The following INTS1 variants were observed in gnomAD, a reference collection of about 807,000 sequenced individuals.
INTS1 encodes the protein integrator complex subunit 1.
In INTS1, 137 loss-of-function variants were observed where a neutral mutation model predicts 241.6. The observed-to-expected ratio is 0.57, with a 90% confidence interval of 0.49 to 0.65. The LOEUF is 0.65. Ranked by LOEUF, INTS1 falls within the 30% of genes least tolerant of loss-of-function variation. The pLI, the probability that INTS1 is intolerant of heterozygous loss-of-function variation, is 0.00. For synonymous variants in INTS1, 1,692 were observed against 1,337.8 expected, an observed-to-expected ratio of 1.26 and a Z score of -5.78; for missense variants, 3,073 against 3,032.2, an observed-to-expected ratio of 1.01 and a Z score of -0.32.
chr7:1,488,652 A>G (rs1562505760), intron 18 of INTS1, among the ~76,000 whole-genome samples: 3 of 152,046 alleles, frequency 2.0e-5, no homozygotes, highest in Admixed American at 6.5e-5. Context: ...CCACAATACC[A>G]GGGCCACACA....
chr7:1,501,955 C>T (rs548979711), intron 3 of INTS1, among the ~76,000 whole-genome samples: 61 of 152,252 alleles, frequency 4.0e-4, no homozygotes, highest in Non-Finnish European at 7.6e-4. Context: ...ATCGCCTGTG[C>T]TTCCAGGCCC....
chr7:1,502,496 G>A (rs949038432), intron 3 of INTS1, among the ~76,000 whole-genome samples: 1 of 152,180 alleles, frequency 6.6e-6, no homozygotes, highest in African/African-American at 2.4e-5. Context: ...AGGAGGGAAG[G>A]AGGAACCAAG....
Position 1,480,386 on chromosome 7 carries a change from GC to G in INTS1, c.4004del (p.Gly1335AlafsTer88). The G allele has an allele frequency of 6.2e-7, 1 of 1,612,946 alleles. No homozygotes were observed. The highest frequency in any genetic ancestry group is 8.5e-7 in the Non-Finnish European group (1 of 1,179,650). On this transcript the variant is annotated frameshift_variant, in exon 30 of 48. Coordinates refer to ENST00000404767, the MANE Select transcript of INTS1 (RefSeq NM_001080453.3). LOFTEE classifies it high-confidence loss of function. ...KSSPEQPIGQ[G>X]RIRVGTQLRV... ...GGAGCTGGGTCCCCACCCGAATCCGGCCCTGGCCTATGGGCTGCTCTGGGCT... is the reference window on the plus strand; with the variant it reads ...GGAGCTGGGTCCCCACCCGAATCCGGCCTGGCCTATGGGCTGCTCTGGGCT...
rs867164699 is a variant in INTS1, at chr7:1,493,834, C to T, written c.1988G>A (p.Arg663Gln). Residue 663 changes from arginine to glutamine, a missense_variant, in exon 15 of 48, where the codon CGG becomes CAG. By Grantham distance (43) the Arg-to-Gln change is conservative (BLOSUM62 1). Transcript: ENST00000404767. This position sits in a 1 kb window ranked among gnomAD's most constrained non-coding sequence, Gnocchi z 5.3. ...GTCCGCAGGCCCGAGCGGGAGCTCCCGGGACAGCCCGATGACCAGGATGCG... is the reference window on the plus strand; with the variant it reads ...GTCCGCAGGCCCGAGCGGGAGCTCCTGGGACAGCCCGATGACCAGGATGCG... ...LMRILVIGLS[R>Q]ELPLGPADAM... The T allele has an allele frequency of 3.2e-6, 5 of 1,570,610 alleles. No homozygotes were observed. Among genetic ancestry groups the T allele is most frequent in the Admixed American group, 3.8e-5 (2 of 53,280 alleles).
rs1039437436 is a variant in INTS1, at chr7:1,503,004, G to A, written c.246C>T (p.Ser82=). The change falls in exon 3 of 48, where the codon TCC becomes TCT. Residue 82 remains serine, a synonymous_variant. Transcript: ENST00000404767. ...GCCCCAGGGCACTCAGAGGGGGTGT[G>A]GAGGAGAGTTTGGGGCGTTTGGTGA... ...TGLTKRPKLS[S]TPPLSALGRL... is the part of the protein sequence containing the mutation. The A allele has an allele frequency of 1.2e-6, 2 of 1,613,822 alleles. No individual in the cohort carries two copies. Among genetic ancestry groups the A allele is most frequent in the Non-Finnish European group, 1.7e-6 (2 of 1,179,878 alleles).
chr7:1,499,711 G>A (rs1783061963), intron 5 of INTS1, 79 bp from the exon 6 acceptor site: 2 of 1,503,736 alleles, frequency 1.3e-6, no homozygotes, highest in Non-Finnish European at 1.8e-6. Flanking sequence ...GCTGCCCGGG[G>A]ACTGGGTGCC....
chr7:1,497,058 C>T lies in INTS1; in HGVS notation c.1602+80G>A. ...AGAGCATCCGAAGGGGTGGAGTGTG[C>T]ATGGGACCCAGGACGAGGGGGATGG... On this transcript the variant is annotated intron_variant, in intron 11 of 47. Coordinates refer to ENST00000404767, the MANE Select transcript of INTS1 (RefSeq NM_001080453.3). This position sits in a 1 kb window ranked among gnomAD's most constrained non-coding sequence, Gnocchi z 5.3. The T allele has an allele frequency of 7.2e-7, 1 of 1,390,982 alleles. No homozygotes were observed. Among genetic ancestry groups the T allele is most frequent in the Non-Finnish European group, 9.6e-7 (1 of 1,038,042 alleles). The allele number at this position is 1,390,982 out of a possible 1,614,324, so 86.2% of individuals were successfully genotyped here.
chr7:1,479,650 C>T lies in INTS1; in HGVS notation c.4109G>A (p.Ser1370Asn), dbSNP rs755986464. ...GAGGGCCACGGGGCGGGGACTGGAG[C>T]TCTGCCACCGAGGGTCCGGGCTGAG... ...FPLSPDPRWQ[S>N]SSPRPVALAL... Residue 1370 changes from serine (S) to asparagine (N), a missense_variant, in exon 31 of 48, where the codon AGC becomes AAC. Physicochemically the swap from Ser to Asn is conservative, Grantham distance 46 (BLOSUM62 1). Coordinates refer to ENST00000404767, the MANE Select transcript of INTS1 (RefSeq NM_001080453.3). 1.1e-5 allele frequency: 16 copies of T among 1,497,748 alleles called. No homozygotes were observed. The highest frequency in any genetic ancestry group is 1.4e-5 in the Non-Finnish European group (16 of 1,120,478). 92.8% of individuals were successfully genotyped at this position (1,497,748 alleles called of 1,614,324 possible). A position where few individuals can be genotyped will look rare whatever the true frequency, so the allele number is the denominator to read the frequency against.
rs28565299 is a variant in INTS1 at position 1,480,896 on chromosome 7, G to A, written c.3888C>T (p.Arg1296=). The A allele has an allele frequency of 3.7e-3, 5,707 of 1,563,180 alleles. 183 individuals carry two copies. In the African/African-American group the frequency reaches 0.067, roughly 18 times the overall value. The stretch of plus-strand genomic sequence containing the variant: ...GGAAAGTCTGGCCTCCGGAGGCGCC[G>A]CGCTCATGCTGGACCTCCACCAGGT... ...MAHLVEVQHE[R]GASGGQTFHS... is the part of the protein sequence containing the mutation. The change falls in exon 29 of 48, where the codon CGC becomes CGT. Residue 1296 remains arginine, a synonymous_variant. Coordinates refer to ENST00000404767, the MANE Select transcript of INTS1 (RefSeq NM_001080453.3).
Position 1,483,758 on chromosome 7 carries a change from C to G in INTS1, c.3525G>C (p.Thr1175=), listed in dbSNP as rs544879046. Residue 1175 remains threonine (T), a synonymous_variant, in exon 26 of 48, where the codon ACG becomes ACC. Transcript: ENST00000404767. ...GCGGCTCACCTCGAGGCGGGCCCAG[C>G]GTCAGCAGGATCACCATGGCATGGA... ...LVVHAMVILL[T]LGPPRADDSE... is the part of the protein sequence containing the mutation. 1.2e-6 allele frequency: 2 copies of G among 1,610,616 alleles called. No homozygotes were observed. The highest frequency in any genetic ancestry group is 2.7e-5 in the African/African-American group (2 of 74,928).
chr7:1,487,429 G>C lies in INTS1; in HGVS notation c.2537C>G (p.Pro846Arg). The change falls in exon 20 of 48, where the codon CCC becomes CGC. Residue 846 changes from proline (P) to arginine (R), a missense_variant. Coordinates refer to ENST00000404767, the MANE Select transcript of INTS1 (RefSeq NM_001080453.3). ...TTTCACTTGATCCAGGATGTGAGGG[G>C]GAGGCCTCCGGGGGGGCCCCCTGAG... The part of the protein sequence containing the change: ...LDPQGPPRRP[P>R]PHILDQVKSL... The C allele has an allele frequency of 6.2e-7, 1 of 1,611,802 alleles. No homozygotes were observed. The highest frequency in any genetic ancestry group is 1.7e-5 in the Admixed American group (1 of 59,930).
rs1054674248 is a variant in INTS1, at chr7:1,499,730, C to T, written c.685-98G>A. The stretch of plus-strand genomic sequence containing the variant: ...CCCGGGGACTGGGTGCCCAGGCGGC[C>T]CTCTCCAGCTTCTGGGTGCAGCAGG... On this transcript the variant is annotated intron_variant, in intron 5 of 47. Transcript: ENST00000404767. 1.1e-5 allele frequency: 16 copies of T among 1,479,524 alleles called. No individual in the cohort carries two copies. The African/African-American group carries it at 2.1e-4, about 19-fold the overall frequency. 91.6% of individuals were successfully genotyped at this position (1,479,524 alleles called of 1,614,324 possible).
chr7:1,503,190 C>G lies in INTS1; in HGVS notation c.60G>C (p.Gly20=). 6.6e-7 allele frequency: 1 copy of G among 1,524,462 alleles called. No homozygotes were observed. The highest frequency in any genetic ancestry group is 2.2e-5 in the Admixed American group (1 of 45,678). 94.4% of individuals were successfully genotyped at this position (1,524,462 alleles called of 1,614,324 possible). A position where few individuals can be genotyped will look rare whatever the true frequency, so the allele number is the denominator to read the frequency against. The change falls in exon 3 of 48, where the codon GGG becomes GGC. Residue 20 remains glycine, a splice_region_variant and synonymous_variant. Coordinates refer to ENST00000404767, the MANE Select transcript of INTS1 (RefSeq NM_001080453.3). ...RRPSAAAKPS[G]HPPPGDFIAL... ...CAATGAAGTCTCCTGGGGGAGGGTG[C>G]CCTGCAGAGAAAGGAGAGAGAAAAC...
At chr7:1,478,065 G>T in intron 33 of INTS1, 129 bp from the exon 34 acceptor site, 1 of 802,594 alleles carries the variant, frequency 1.2e-6, no homozygotes, top group Non-Finnish European at 2.0e-6. Context: ...TCCAGCCGGA[G>T]CCAGAGAGGA....
At chr7:1,498,177 C>T (rs1330572490) in intron 10 of INTS1, among the ~76,000 whole-genome samples, 2 of 152,258 alleles carry the variant, frequency 1.3e-5, no homozygotes, top group Admixed American at 1.3e-4. Context: ...GTGGCTCCCT[C>T]CTAAATGGAC....
chr7:1,491,491 A>G (rs1782544503), intron 16 of INTS1, among the ~76,000 whole-genome samples: 1 of 152,262 alleles, frequency 6.6e-6, no homozygotes, highest in Non-Finnish European at 1.5e-5. Context: ...AACCCTTGAC[A>G]GAAAACACAG....
Position 1,470,590 on chromosome 7 carries a change from TC to T in INTS1, c.6559del (p.Glu2187ArgfsTer3), listed in dbSNP as rs1781410946. 2.6e-6 allele frequency: 4 copies of T among 1,568,360 alleles called. No individual in the cohort carries two copies. In the African/African-American group the frequency reaches 5.4e-5, roughly 21 times the overall value. ...GCTGCCACAGGCTCACATCACGGCC[TC>T]CATATGCAGGATCCTCAGGGCCTCG... ...ISEALRILHMEAVM is the reference protein window; with the variant it reads ...ISEALRILHMXAVM On this transcript the variant is annotated frameshift_variant, in exon 48 of 48. Transcript: ENST00000404767. LOFTEE classifies it high-confidence loss of function.
Position 1,477,806 on chromosome 7 carries a change from C to T in INTS1, c.4761G>A (p.Leu1587=). Residue 1587 remains leucine, a synonymous_variant, in exon 34 of 48, where the codon CTG becomes CTA. Transcript: ENST00000404767. ...CAGCCAGGGGCTCCTCCTCCTGCAG[C>T]AGCAGGGAGCTCACCACCACAACGG... The part of the protein sequence containing the change: ...CKPVVVVSSL[L]LQEEEPLAGG... 1 of 1,612,578 alleles carries T rather than the reference C, an allele frequency of 6.2e-7. No individual in the cohort carries two copies. Among genetic ancestry groups the T allele is most frequent in the Non-Finnish European group, 8.5e-7 (1 of 1,179,836 alleles).
intron 18 of INTS1, 91 bp from the exon 19 acceptor site, chr7:1,488,048 C>G: frequency 1.5e-6 from 2 of 1,352,078 alleles, no homozygotes; most frequent in Non-Finnish European, 2.1e-6. Flanking sequence ...GGTAAAACCC[C>G]TACGGCTGCT....
Sources: allele counts gnomAD v4.1 joint callset (sites outside exome capture counted in the v4.1 genomes callset), GRCh38; gene constraint gnomAD v4.1.1; non-coding constraint Gnocchi (gnomAD v3.1); transcripts MANE v1.5; gene names NCBI Gene and HGNC (gene_info 2026-07-23, HGNC 2026-07-21).